The following SRRM4 variants were observed in gnomAD, a reference collection of about 807,000 sequenced individuals.
SRRM4 encodes serine/arginine repetitive matrix protein 4.
A neutral mutation model predicts 68.9 loss-of-function variants in SRRM4; 33 were observed. The ratio of observed to expected loss-of-function variants is 0.48; its 90% CI spans 0.36 to 0.64. The LOEUF (loss-of-function observed/expected upper bound fraction) is 0.64, where lower values mean the gene tolerates loss of function less well. SRRM4 is among the 30% of genes least tolerant of loss of function. SRRM4 has a pLI of 0.00. For synonymous variants in SRRM4, 318 were observed against 318.8 expected, an observed-to-expected ratio of 1.00 and a Z score of 0.03; for missense variants, 817 against 827.1, an observed-to-expected ratio of 0.99 and a Z score of 0.15.
At chr12:119,096,264 A>T (rs537234314) in intron 1 of SRRM4, among the ~76,000 whole-genome samples, 45 of 148,964 alleles carry the variant, frequency 3.0e-4, no homozygotes, top group African/African-American at 9.9e-4. Flanking sequence ...AATCTTCCTG[A>T]CCTCGTAATC....
intron 1 of SRRM4, among the ~76,000 whole-genome samples, chr12:119,037,264 A>G (rs1953635445): frequency 6.6e-6 from 1 of 152,110 alleles, no homozygotes; most frequent in Non-Finnish European, 1.5e-5. Flanking sequence ...CAGACTGCAG[A>G]ATACCATACC....
intron 1 of SRRM4, among the ~76,000 whole-genome samples, chr12:119,069,098 C>G (rs1412791104): frequency 5.3e-5 from 8 of 151,994 alleles, no homozygotes; most frequent in Non-Finnish European, 7.4e-5. Context: ...AGGGAGATAT[C>G]CTTGAAGGAA....
At chr12:119,079,507 C>G (rs929204813) in intron 1 of SRRM4, among the ~76,000 whole-genome samples, 7 of 152,286 alleles carry the variant, frequency 4.6e-5, no homozygotes, top group African/African-American at 1.7e-4. Flanking sequence ...TTCTTTGAGG[C>G]ATTTGGTCTC....
At chr12:119,031,272 G>A (rs1953587959) in intron 1 of SRRM4, 1 of 152,190 alleles carries the variant, frequency 6.6e-6, no homozygotes, top group Non-Finnish European at 1.5e-5. Context: ...TCCTTGCCAA[G>A]TGGGCTCCTT....
rs915117932 is a variant in SRRM4, at chr12:119,151,042, T to G, written c.1102T>G (p.Cys368Gly). The G allele has an allele frequency of 6.2e-7, 1 of 1,613,894 alleles. No individual in the cohort carries two copies. The highest frequency in any genetic ancestry group is 8.5e-7 in the Non-Finnish European group (1 of 1,179,910). The change falls in exon 10 of 13, where the codon TGT becomes GGT. Residue 368 changes from cysteine to glycine, a missense_variant. Coordinates refer to ENST00000267260, the MANE Select transcript of SRRM4 (RefSeq NM_194286.4). ...GGGATTTCAGTCACCGTGTCTGGAA[T>G]GTGCCGAAGTGAAGAAGTCCAGTTT... Reference protein sequence around the residue: ...SRGFQSPCLECAEVKKSSLVP... With the variant: ...SRGFQSPCLEGAEVKKSSLVP...
chr12:119,109,126 C>T (rs1954126493), intron 2 of SRRM4, among the ~76,000 whole-genome samples: 1 of 152,112 alleles, frequency 6.6e-6, no homozygotes, highest in South Asian at 2.1e-4. Context: ...AAATTCTTTT[C>T]TTTAAGAATG....
At chr12:119,026,609 C>T (rs369515351) in intron 1 of SRRM4, among the ~76,000 whole-genome samples, 73 of 152,058 alleles carry the variant, frequency 4.8e-4, no homozygotes, top group South Asian at 1.0e-3. Context: ...AGTGCAATGG[C>T]GCGACGTTGG....
intron 1 of SRRM4, among the ~76,000 whole-genome samples, chr12:118,985,628 T>C (rs569715259): frequency 6.6e-6 from 1 of 152,310 alleles, no homozygotes; most frequent in East Asian, 1.9e-4. Context: ...CGATAAGATA[T>C]ATGAATCTCT....
chr12:119,131,235 G>A (rs1362438472), intron 8 of SRRM4, among the ~76,000 whole-genome samples: 24 of 152,186 alleles, frequency 1.6e-4, no homozygotes. Context: ...CATGAAGTCT[G>A]CATCTTTTAT....
At chr12:119,036,402 G>C (rs916794956) in intron 1 of SRRM4, among the ~76,000 whole-genome samples, 1 of 152,140 alleles carries the variant, frequency 6.6e-6, no homozygotes, top group Non-Finnish European at 1.5e-5. Context: ...CTGAGCATAC[G>C]GTGGCTTGCA....
chr12:119,125,272 T>G, intron 6 of SRRM4, 109 bp from the exon 7 acceptor site: 1 of 945,550 alleles, frequency 1.1e-6, no homozygotes, highest in Non-Finnish European at 1.6e-6. Flanking sequence ...TCGGGAGGGA[T>G]GGTGACCAGT....
chr12:119,040,460 AT>A (rs1953660211), intron 1 of SRRM4, among the ~76,000 whole-genome samples: 1 of 152,162 alleles, frequency 6.6e-6, no homozygotes, highest in Non-Finnish European at 1.5e-5. Flanking sequence ...TTGGTTTTCC[AT>A]TCCTGAGTTA....
intron 1 of SRRM4, among the ~76,000 whole-genome samples, chr12:118,991,541 G>A (rs1477872288): frequency 6.6e-6 from 1 of 152,240 alleles, no homozygotes; most frequent in Non-Finnish European, 1.5e-5. Context: ...GAGAGGGACT[G>A]TGACTATGAG....
At chr12:119,075,187 A>G (rs181378486) in intron 1 of SRRM4, among the ~76,000 whole-genome samples, 12 of 152,352 alleles carry the variant, frequency 7.9e-5, no homozygotes, top group African/African-American at 2.6e-4. Context: ...GAGGTTCATC[A>G]TTTTGGATCT....
At chr12:119,125,323 C>T (rs34183325) in intron 6 of SRRM4, 58 bp from the exon 7 acceptor site, 389,576 of 1,477,352 alleles carry the variant, frequency 0.26, 54,264 homozygotes, top group South Asian at 0.36. Context: ...ATCTCTCACT[C>T]TCCCTTTTTT....
chr12:119,154,900 C>T lies in SRRM4; in HGVS notation c.1532+517C>T, dbSNP rs1413017408. On this transcript the variant is annotated intron_variant, in intron 12 of 12. Transcript: ENST00000267260. The surrounding 1 kb of genome is among the most constrained non-coding windows in gnomAD (Gnocchi z 4.7). ...AAAGGACAAACAGGATTGCTTAGTTCCCAAAGGGACCTAGAGGGAGCCACG... is the reference window on the plus strand; with the variant it reads ...AAAGGACAAACAGGATTGCTTAGTTTCCAAAGGGACCTAGAGGGAGCCACG... 2.0e-5 allele frequency among the ~76,000 whole-genome samples: 3 copies of T among 152,148 alleles called. No homozygotes were observed.
chr12:119,019,955 C>CA (rs1420290296), intron 1 of SRRM4, among the ~76,000 whole-genome samples: 3 of 78,000 alleles, frequency 3.8e-5, no homozygotes, highest in Admixed American at 1.2e-4. Flanking sequence ...CCGCTCCCCC[C>CA]CCCCCCAAAA....
At chr12:119,119,885 C>A (rs555577034) in intron 4 of SRRM4, among the ~76,000 whole-genome samples, 1 of 152,012 alleles carries the variant, frequency 6.6e-6, no homozygotes, top group Non-Finnish European at 1.5e-5. Flanking sequence ...GATTTACTGA[C>A]AGTTTTGGGG....
chr12:119,125,505 T>C (rs2136055027), intron 7 of SRRM4, 26 bp downstream of exon 7: 1 of 1,598,846 alleles, frequency 6.3e-7, no homozygotes, highest in Middle Eastern at 1.7e-4. Flanking sequence ...AGGATCCTCT[T>C]CTGTCAGCCA....
Sources: gnomAD v4.1 joint callset for allele counts (sites outside exome capture counted in the v4.1 genomes callset) on GRCh38, gnomAD v4.1.1 for gene constraint, Gnocchi (gnomAD v3.1) non-coding constraint, MANE v1.5 for transcripts, NCBI Gene and HGNC (gene_info 2026-07-23, HGNC 2026-07-21) for gene names.